The following PHF8 variants were observed in gnomAD, a reference collection of about 807,000 sequenced individuals.
PHF8 encodes the protein PHD finger protein 8, also known as histone lysine demethylase PHF8.
In PHF8, 9 loss-of-function variants were observed where a neutral mutation model predicts 74.4. The observed-to-expected ratio is 0.12, with a 90% CI of 0.07 to 0.21. The LOEUF is 0.21. Ranked by LOEUF, PHF8 falls within the 10% of genes least tolerant of loss-of-function variation. The probability of loss-of-function intolerance (pLI) is 1.00; values close to 1 mark genes in which losing one functional copy is unlikely to be tolerated. For missense variants in PHF8, 478 were observed against 816.6 expected (o/e 0.59, Z 5.05); for synonymous variants, 311 against 316.6 (o/e 0.98, Z 0.19).
chrX:53,954,787 A>G (rs782494293), intron 19 of PHF8, among the ~76,000 whole-genome samples: 16 of 110,649 alleles, frequency 1.4e-4, no homozygotes, highest in Non-Finnish European at 3.0e-4. Flanking sequence ...GTAGCACTAT[A>G]GTATATTTCA....
chrX:54,010,454 A>G (rs782454402), intron 8 of PHF8, among the ~76,000 whole-genome samples: 1 of 112,520 alleles, frequency 8.9e-6, no homozygotes, highest in South Asian at 3.7e-4. Context: ...ATAACCTTAA[A>G]GATTTTTTAA....
At chrX:53,959,543 G>A (rs2065067781) in intron 19 of PHF8, among the ~76,000 whole-genome samples, 2 of 110,788 alleles carry the variant, frequency 1.8e-5, no homozygotes, top group Non-Finnish European at 3.8e-5. Flanking sequence ...GGACCCTATG[G>A]ATGTAGGGTC....
At chrX:53,975,313 G>A (rs2065356025) in intron 18 of PHF8, among the ~76,000 whole-genome samples, 1 of 111,826 alleles carries the variant, frequency 8.9e-6, no homozygotes, top group South Asian at 3.7e-4. Context: ...ACAGTATGGA[G>A]GTGTCTCGAA....
chrX:53,966,071 C>T (rs1040056659), intron 18 of PHF8, among the ~76,000 whole-genome samples: 3 of 111,916 alleles, frequency 2.7e-5, no homozygotes, highest in African/African-American at 9.7e-5. Context: ...GAACAAAAAG[C>T]AGCAATAGAA....
Position 53,992,753 on chromosome X carries a change from T to C in PHF8, c.1713A>G (p.Leu571=), listed in dbSNP as rs2149838565. The part of the protein sequence containing the change: ...DLDGNESPLA[L]LMSNGSTKRV... ...CACCTCACCTGCCGTTAGACATCAA[T>C]AGGGCCAATGGGCTCTCATTTCCAT... Residue 571 remains leucine (L), a synonymous_variant, in exon 14 of 22, where the codon CTA becomes CTG. Coordinates refer to ENST00000338154, the MANE Select transcript of PHF8 (RefSeq NM_015107.3). The C allele has an allele frequency of 8.4e-7, 1 of 1,184,246 alleles. No homozygotes were observed. The highest frequency in any genetic ancestry group is 1.1e-6 in the Non-Finnish European group (1 of 871,702).
intron 19 of PHF8, among the ~76,000 whole-genome samples, chrX:53,962,454 T>C (rs1019526207): frequency 1.8e-5 from 2 of 111,131 alleles, no homozygotes; most frequent in Non-Finnish European, 1.9e-5. Flanking sequence ...TTGGGCCTTA[T>C]AGAGCTCAAC....
intron 19 of PHF8, among the ~76,000 whole-genome samples, chrX:53,946,114 A>G (rs2064828793): frequency 8.9e-6 from 1 of 112,675 alleles, no homozygotes; most frequent in African/African-American, 3.2e-5. Context: ...AAAGCCAGCT[A>G]CTAAATGTAG....
chrX:53,976,702 GAC>G (rs2065383325), intron 18 of PHF8, among the ~76,000 whole-genome samples: 1 of 94,696 alleles, frequency 1.1e-5, no homozygotes, highest in African/African-American at 4.0e-5. Flanking sequence ...AAAAAAAAAA[GAC>G]AAAGTGCCAG....
rs2064703047 is a variant in PHF8, at chrX:53,938,674, T to TG, written c.*483dup. The TG allele has an allele frequency of 1.3e-6, 1 of 755,028 alleles. No individual in the cohort carries two copies. The highest frequency in any genetic ancestry group is 2.3e-5 in the African/African-American group (1 of 42,851). The allele number at this position is 755,028 out of a possible 1,213,427, so 62.2% of individuals were successfully genotyped here. ...CTTCTCCCATGAGCAAGTCTGGAGG[T>TG]GGGGCATGTCCACTGGACTGGGGAA... On this transcript the variant is annotated 3_prime_UTR_variant, in exon 22 of 22. Transcript: ENST00000338154.
At chrX:54,035,821 G>T (rs1436261996) in intron 2 of PHF8, among the ~76,000 whole-genome samples, 5 of 109,829 alleles carry the variant, frequency 4.6e-5, no homozygotes, top group Non-Finnish European at 7.6e-5. Context: ...ATGAATGAAT[G>T]AATGAGTAGG....
At chrX:53,979,514 C>T (rs1255665726) in intron 18 of PHF8, among the ~76,000 whole-genome samples, 3 of 111,860 alleles carry the variant, frequency 2.7e-5, no homozygotes, top group African/African-American at 9.7e-5. Context: ...AAATATCAAA[C>T]ACTAGAGATG....
In PHF8 at chrX:54,003,423, G is replaced by A. The variant is rs782810507; in HGVS notation, c.947-741C>T. 1.5e-4 allele frequency among the ~76,000 whole-genome samples: 17 copies of A among 111,580 alleles called. No homozygotes were observed. In the South Asian group the frequency reaches 1.9e-3, roughly 12 times the overall value. On this transcript the variant is annotated intron_variant, in intron 8 of 21. Transcript: ENST00000338154. ...TGTAATCCCAGCATTTTGGGAGGCC[G>A]AGGCGGGTGGGTCACCTGAGGTCAG...
Position 54,043,990 on chromosome X carries a change from G to T in PHF8, c.-321C>A. On this transcript the variant is annotated 5_prime_UTR_variant, in exon 1 of 22. Transcript: ENST00000338154. ...AGTTCCGGCCCCTACGGCGACGCGC[G>T]TCGAATTCTGGGATAGTCCCCGTAC... 20 of 754,915 alleles carry T rather than the reference G, an allele frequency of 2.6e-5. No individual in the cohort carries two copies. Among genetic ancestry groups the T allele is most frequent in the Non-Finnish European group, 2.8e-5 (18 of 639,319 alleles). 62.2% of individuals were successfully genotyped at this position (754,915 alleles called of 1,213,427 possible).
Position 54,022,249 on chromosome X carries a change from G to A in PHF8, c.293+10C>T. 1 of 1,058,823 alleles carries A rather than the reference G, an allele frequency of 9.4e-7. No homozygotes were observed. Among genetic ancestry groups the A allele is most frequent in the African/African-American group, 1.8e-5 (1 of 54,856 alleles). The allele number at this position is 1,058,823 out of a possible 1,213,427, so 87.3% of individuals were successfully genotyped here. The stretch of plus-strand genomic sequence containing the variant: ...GGCATTCACCAGCCACTGGAGGCAG[G>A]GTTCCTCACCTGTCAAAAGTCCTAC... On this transcript the variant is annotated intron_variant, in intron 4 of 21. Transcript: ENST00000338154.
chrX:54,022,247 A>T lies in PHF8; in HGVS notation c.293+12T>A. 1 of 1,034,154 alleles carries T rather than the reference A, an allele frequency of 9.7e-7. No homozygotes were observed. Among genetic ancestry groups the T allele is most frequent in the Non-Finnish European group, 1.4e-6 (1 of 733,431 alleles). 85.2% of individuals were successfully genotyped at this position (1,034,154 alleles called of 1,213,427 possible). A position where few individuals can be genotyped will look rare whatever the true frequency, so the allele number is the denominator to read the frequency against. ...CTGGCATTCACCAGCCACTGGAGGCAGGGTTCCTCACCTGTCAAAAGTCCT... is the reference window on the plus strand; with the variant it reads ...CTGGCATTCACCAGCCACTGGAGGCTGGGTTCCTCACCTGTCAAAAGTCCT... On this transcript the variant is annotated intron_variant, in intron 4 of 21. Transcript: ENST00000338154.
intron 2 of PHF8, among the ~76,000 whole-genome samples, chrX:54,025,134 C>T (rs782783006): frequency 2.7e-5 from 3 of 111,488 alleles, no homozygotes; most frequent in Non-Finnish European, 5.7e-5. Flanking sequence ...CCTCGGCCTC[C>T]CAAAGTGCTG....
At chrX:53,980,811 T>C (rs1301156655) in intron 18 of PHF8, among the ~76,000 whole-genome samples, 1 of 112,023 alleles carries the variant, frequency 8.9e-6, no homozygotes, top group Non-Finnish European at 1.9e-5. Flanking sequence ...GAAGAAGAAA[T>C]AAACCAAAGA....
intron 2 of PHF8, among the ~76,000 whole-genome samples, chrX:54,040,532 G>C (rs1388001798): frequency 8.9e-6 from 1 of 111,957 alleles, no homozygotes; most frequent in East Asian, 2.8e-4. Context: ...TGGGAACCAA[G>C]AGGAAGAAGG....
chrX:53,990,167 A>T (rs984610493), intron 14 of PHF8, among the ~76,000 whole-genome samples: 1 of 111,864 alleles, frequency 8.9e-6, no homozygotes, highest in Non-Finnish European at 1.9e-5. Flanking sequence ...TTTTAAAAAA[A>T]TTTTAAAGAA....
Sources: gnomAD v4.1 joint callset for allele counts (sites outside exome capture counted in the v4.1 genomes callset) on GRCh38, gnomAD v4.1.1 for gene constraint, MANE v1.5 for transcripts, NCBI Gene and HGNC (gene_info 2026-07-23, HGNC 2026-07-21) for gene names.